Variants in FRMPD4 observed in about 807,000 individuals in gnomAD.
FRMPD4 encodes the protein FERM and PDZ domain-containing protein 4.
FRMPD4 carries 22 observed loss-of-function variants against 94.1 expected under a neutral mutation model. That is an observed-to-expected ratio of 0.23 (90% confidence interval 0.17 to 0.33). The LOEUF (loss-of-function observed/expected upper bound fraction) is 0.33. Among genes scored for constraint, FRMPD4 ranks in the 10% least tolerant of loss-of-function variants. The pLI is 1.00. For missense variants in FRMPD4, 1,111 were observed against 1,339.9 expected (o/e 0.83, Z 2.67); for synonymous variants, 631 against 548.6 (o/e 1.15, Z -2.10).
chrX:12,016,490 G>T (rs905655280), intron 3 of FRMPD4, among the ~76,000 whole-genome samples: 2 of 111,707 alleles, frequency 1.8e-5, no homozygotes, highest in Non-Finnish European at 3.8e-5. Context: ...AAAGCTTTTG[G>T]GGAAGGGAGA....
rs181539166 is a variant in FRMPD4 at position 11,868,979 on chromosome X, A to G, written c.-30+3763A>G. ...GGAAAACTTTGCTGACCCTTAGGCT[A>G]GAGAATGTCACTTAACTTCTATGGG... On this transcript the variant is annotated intron_variant, in intron 2 of 18. Transcript: ENST00000640291. Among the ~76,000 whole-genome samples the G allele has an allele frequency of 7.5e-3, 810 of 107,683 alleles. 5 individuals are homozygous for G. Among genetic ancestry groups the G allele is most frequent in the Non-Finnish European group, 0.012 (607 of 51,451 alleles). The allele number at this position is 107,683 out of a possible 115,157, so 93.5% of individuals were successfully genotyped here. A position where few individuals can be genotyped will look rare whatever the true frequency, so the allele number is the denominator to read the frequency against.
At chrX:11,876,104 G>GACCTCGTGATCCGCCCGCCTC (rs1383679139) in intron 2 of FRMPD4, among the ~76,000 whole-genome samples, 8 of 108,985 alleles carry the variant, frequency 7.3e-5, no homozygotes, top group African/African-American at 2.7e-4. Context: ...TCGTTCGCCT[G>GACCTCGTGATCCGCCCGCCTC]ACCTCGTGAT....
intron 1 of FRMPD4, among the ~76,000 whole-genome samples, chrX:12,187,390 T>C (rs561549782): frequency 4.5e-5 from 5 of 112,284 alleles, no homozygotes; most frequent in East Asian, 5.6e-4. Context: ...CCATCAGAAC[T>C]GTATCAAATT....
intron 3 of FRMPD4, among the ~76,000 whole-genome samples, chrX:11,921,719 G>C (rs915136025): frequency 3.6e-5 from 4 of 112,258 alleles, no homozygotes; most frequent in African/African-American, 1.3e-4. Context: ...AAGGAGCATA[G>C]CCACAGTCAA....
At chrX:12,615,012 G>A in intron 4 of FRMPD4, 131 bp downstream of exon 4, 1 of 355,532 alleles carries the variant, frequency 2.8e-6, no homozygotes, top group Non-Finnish European at 5.0e-6. Flanking sequence ...ACATACACAT[G>A]GTTGAAAATG....
At chrX:12,194,426 TA>T (rs201495273) in intron 1 of FRMPD4, among the ~76,000 whole-genome samples, 29,454 of 100,617 alleles carry the variant, frequency 0.29, 3,451 homozygotes, top group Non-Finnish European at 0.36. Context: ...TTCTAGTTAT[TA>T]AAAAAAAAAA....
At chrX:11,880,066 T>G (rs780153394) in intron 3 of FRMPD4, among the ~76,000 whole-genome samples, 1 of 112,236 alleles carries the variant, frequency 8.9e-6, no homozygotes, top group South Asian at 3.7e-4. Context: ...CTTGAGATTG[T>G]TTTTGTTGTT....
At chrX:12,115,403 C>T (rs766517552) in intron 3 of FRMPD4, among the ~76,000 whole-genome samples, 7 of 111,343 alleles carry the variant, frequency 6.3e-5, no homozygotes, top group Non-Finnish European at 9.4e-5. Context: ...GTCTCTAACT[C>T]GTGAGCTGAA....
chrX:11,953,432 C>T (rs2054236734), intron 3 of FRMPD4, among the ~76,000 whole-genome samples: 1 of 110,913 alleles, frequency 9.0e-6, no homozygotes, highest in African/African-American at 3.3e-5. Flanking sequence ...ATTTAGGAGT[C>T]TAAGATTCCT....
At chrX:12,014,657 A>T (rs568416840) in intron 3 of FRMPD4, among the ~76,000 whole-genome samples, 2 of 111,922 alleles carry the variant, frequency 1.8e-5, no homozygotes, top group African/African-American at 6.5e-5. Context: ...AAAAGAAAAA[A>T]GTCTATGGAT....
intron 2 of FRMPD4, among the ~76,000 whole-genome samples, chrX:11,877,284 G>A (rs909735085): frequency 3.6e-5 from 4 of 112,180 alleles, no homozygotes; most frequent in African/African-American, 9.7e-5. Context: ...CATGGGAGAA[G>A]TTAAGCAGCA....
intron 3 of FRMPD4, among the ~76,000 whole-genome samples, chrX:11,970,619 A>G (rs1402020837): frequency 1.8e-5 from 2 of 112,430 alleles, no homozygotes; most frequent in East Asian, 5.5e-4. Context: ...CACCAGAGAA[A>G]CAGAGAGAGT....
chrX:12,219,895 A>G (rs1447213188), intron 1 of FRMPD4, among the ~76,000 whole-genome samples: 1 of 112,246 alleles, frequency 8.9e-6, no homozygotes, highest in Non-Finnish European at 1.9e-5. Context: ...TTATCCCAGC[A>G]CTTTGGGAGG....
intron 2 of FRMPD4, among the ~76,000 whole-genome samples, chrX:12,580,624 A>C (rs760774705): frequency 9.9e-4 from 111 of 111,788 alleles, no homozygotes; most frequent in Non-Finnish European, 1.5e-3. Context: ...GAGATGATAA[A>C]ATGCCTACGT....
At chrX:12,331,976 ATTTATATACT>A in intron 1 of FRMPD4, among the ~76,000 whole-genome samples, 2 of 53,783 alleles carry the variant, frequency 3.7e-5, no homozygotes, top group Non-Finnish European at 5.6e-5. Context: ...AATTATATAT[ATTTATATACT>A]ATATATAAAT....
intron 14 of FRMPD4, among the ~76,000 whole-genome samples, chrX:12,712,528 G>A: frequency 9.0e-6 from 1 of 111,443 alleles, no homozygotes; most frequent in Non-Finnish European, 1.9e-5. Context: ...TGGCCTAGGT[G>A]ACAGAGCAAA....
intron 1 of FRMPD4, among the ~76,000 whole-genome samples, chrX:11,858,577 G>A (rs1055421974): frequency 5.4e-5 from 6 of 110,466 alleles, no homozygotes; most frequent in Admixed American, 1.9e-4. Context: ...GGAGGGAGAG[G>A]ATCAGGAAAA....
At chrX:12,388,721 G>T (rs1381840443) in intron 1 of FRMPD4, among the ~76,000 whole-genome samples, 1 of 104,859 alleles carries the variant, frequency 9.5e-6, no homozygotes, top group Non-Finnish European at 1.9e-5. Context: ...TTGAAGAGAT[G>T]CCTGCACTCC....
intron 1 of FRMPD4, among the ~76,000 whole-genome samples, chrX:12,385,829 G>A (rs1181781748): frequency 8.9e-6 from 1 of 112,455 alleles, no homozygotes; most frequent in African/African-American, 3.2e-5. Context: ...AAATAAAGCA[G>A]TCCAAAGAGA....
Sources: allele counts gnomAD v4.1 joint callset (sites outside exome capture counted in the v4.1 genomes callset), GRCh38; gene constraint gnomAD v4.1.1; transcripts MANE v1.5; gene names NCBI Gene and HGNC (gene_info 2026-07-23, HGNC 2026-07-21).